Variants in CCNY observed in about 807,000 individuals in gnomAD.
CCNY encodes cyclin Y.
A neutral mutation model predicts 42.8 loss-of-function variants in CCNY; 19 were observed. The observed-to-expected ratio is 0.44, with a 90% CI of 0.31 to 0.65. The LOEUF (loss-of-function observed/expected upper bound fraction) is 0.65. Ranked by LOEUF, CCNY falls within the 30% of genes least tolerant of loss-of-function variation. CCNY has a pLI of 0.07. For missense variants in CCNY, 370 were observed against 437.3 expected, an observed-to-expected ratio of 0.85 and a Z score of 1.37; for synonymous variants, 165 against 162.7, an observed-to-expected ratio of 1.01 and a Z score of -0.11.
chr10:35,514,660 C>T (rs987273129), intron 3 of CCNY, among the ~76,000 whole-genome samples: 6 of 152,172 alleles, frequency 3.9e-5, no homozygotes, highest in African/African-American at 1.4e-4. Flanking sequence ...TTTGCAAGCC[C>T]TGTTACATTT....
upstream of CCNY, among the ~76,000 whole-genome samples, chr10:35,333,630 G>C (rs2243879): frequency 0.63 from 95,354 of 152,102 alleles, 32,610 homozygotes; most frequent in African/African-American, 0.91. Flanking sequence ...TTTGATCTTA[G>C]ATAGGTTTAC....
chr10:35,366,467 T>C (rs1193266098), intron 1 of CCNY, among the ~76,000 whole-genome samples: 1 of 152,252 alleles, frequency 6.6e-6, no homozygotes, highest in Non-Finnish European at 1.5e-5. Context: ...GTCTAATATT[T>C]GCAGATTTCA....
At chr10:35,413,641 G>A (rs989838941) in intron 1 of CCNY, among the ~76,000 whole-genome samples, 9 of 152,174 alleles carry the variant, frequency 5.9e-5, no homozygotes, top group African/African-American at 2.2e-4. Flanking sequence ...ATTTAGAGGG[G>A]ATATTCTTAC....
At chr10:35,524,838 C>T (rs535142528) in intron 4 of CCNY, among the ~76,000 whole-genome samples, 2 of 152,242 alleles carry the variant, frequency 1.3e-5, no homozygotes, top group African/African-American at 4.8e-5. Context: ...TCAAAACATT[C>T]GGGTCAGTGT....
intron 1 of CCNY, among the ~76,000 whole-genome samples, chr10:35,400,345 C>T (rs1837617046): frequency 6.6e-6 from 1 of 152,076 alleles, no homozygotes; most frequent in African/African-American, 2.4e-5. Flanking sequence ...CCCTGTTTTC[C>T]CCCTCCCCTC....
At chr10:35,522,577 C>G (rs1218501589) in intron 4 of CCNY, among the ~76,000 whole-genome samples, 1 of 152,124 alleles carries the variant, frequency 6.6e-6, no homozygotes, top group African/African-American at 2.4e-5. Context: ...TGTATAGATA[C>G]ACGTCTCCCA....
chr10:35,320,617 A>C lies in CCNY; in HGVS notation c.-9+69991A>C, dbSNP rs78522907. Among the ~76,000 whole-genome samples the C allele has an allele frequency of 1.8e-4, 27 of 152,334 alleles. No homozygotes were observed. In the East Asian group the frequency reaches 3.1e-3, roughly 17 times the overall value. ...AAACATTACACTGGAAGTCCTAGCCAGTACAATAGGCAAGAAAAAGGCAAA... is the reference window on the plus strand; with the variant it reads ...AAACATTACACTGGAAGTCCTAGCCCGTACAATAGGCAAGAAAAAGGCAAA... On this transcript the variant is annotated intron_variant, in intron 3 of 11. Transcript: ENST00000374706.
At chr10:35,490,123 A>G (rs1839867523) in intron 2 of CCNY, among the ~76,000 whole-genome samples, 1 of 152,158 alleles carries the variant, frequency 6.6e-6, no homozygotes, top group Non-Finnish European at 1.5e-5. Context: ...AAGAACTCAA[A>G]TATATGTTGA....
At chr10:35,373,247 A>C (rs1019974866) in intron 1 of CCNY, among the ~76,000 whole-genome samples, 1 of 152,056 alleles carries the variant, frequency 6.6e-6, no homozygotes, top group Non-Finnish European at 1.5e-5. Flanking sequence ...GGATAATGAA[A>C]CCTACTTCTT....
chr10:35,379,569 A>C (rs1200327811), intron 1 of CCNY, among the ~76,000 whole-genome samples: 1 of 152,236 alleles, frequency 6.6e-6, no homozygotes, highest in African/African-American at 2.4e-5. Context: ...TTGTTGACTT[A>C]GCTGAAGTCT....
chr10:35,560,631 A>G (rs964770332), intron 8 of CCNY, among the ~76,000 whole-genome samples: 2 of 152,210 alleles, frequency 1.3e-5, no homozygotes, highest in African/African-American at 4.8e-5. Context: ...AGCTCTTGCA[A>G]ACTAATACAC....
chr10:35,516,652 C>T (rs1840432262), intron 4 of CCNY, 29 bp downstream of exon 4: 7 of 868,036 alleles, frequency 8.1e-6, no homozygotes, highest in South Asian at 3.5e-5. Flanking sequence ...TTCCTTCCTT[C>T]CTTCCTTCCT....
chr10:35,542,661 C>T (rs971015874), intron 7 of CCNY, among the ~76,000 whole-genome samples: 6 of 152,212 alleles, frequency 3.9e-5, no homozygotes, highest in African/African-American at 1.2e-4. Context: ...CTGTCCGATG[C>T]CTGCCATTCA....
chr10:35,271,598 A>G (rs1396847356), intron 3 of CCNY, among the ~76,000 whole-genome samples: 1 of 152,162 alleles, frequency 6.6e-6, no homozygotes, highest in Non-Finnish European at 1.5e-5. Context: ...CACCCAGGCT[A>G]AAGTGCAGCC....
intron 1 of CCNY, among the ~76,000 whole-genome samples, chr10:35,453,964 A>G (rs531019523): frequency 6.6e-6 from 1 of 152,200 alleles, no homozygotes; most frequent in Non-Finnish European, 1.5e-5. Context: ...TCCATTTTTT[A>G]AAAAAGATGA....
At chr10:35,355,289 A>AT (rs1271971100) in intron 1 of CCNY, among the ~76,000 whole-genome samples, 3 of 152,168 alleles carry the variant, frequency 2.0e-5, no homozygotes, top group Non-Finnish European at 2.9e-5. Context: ...TCCATATTTG[A>AT]TTTTTTTCCC....
chr10:35,408,022 C>T (rs1048238084), intron 1 of CCNY, among the ~76,000 whole-genome samples: 6 of 152,060 alleles, frequency 3.9e-5, no homozygotes, highest in Non-Finnish European at 8.8e-5. Context: ...CCTTTGTCTC[C>T]ACCAGAAAAT....
intron 1 of CCNY, among the ~76,000 whole-genome samples, chr10:35,372,188 TG>T (rs1203560064): frequency 2.0e-5 from 3 of 152,104 alleles, no homozygotes; most frequent in Non-Finnish European, 4.4e-5. Flanking sequence ...AGGGAAAGGA[TG>T]GGGGAACTCC....
intron 1 of CCNY, among the ~76,000 whole-genome samples, chr10:35,354,706 CAG>C (rs1310938902): frequency 6.6e-6 from 1 of 152,122 alleles, no homozygotes; most frequent in African/African-American, 2.4e-5. Flanking sequence ...TTCCGCAAAA[CAG>C]ACGGGGAGTG....
Sources: allele counts gnomAD v4.1 joint callset (sites outside exome capture counted in the v4.1 genomes callset), GRCh38; gene constraint gnomAD v4.1.1; transcripts MANE v1.5; gene names NCBI Gene and HGNC (gene_info 2026-07-23, HGNC 2026-07-21).